The following RBFOX1 variants were observed in gnomAD, a reference collection of about 807,000 sequenced individuals.
The protein encoded by RBFOX1 is RNA binding fox-1 homolog 1, also known as RNA binding protein fox-1 homolog 1.
In RBFOX1, 8 loss-of-function variants were observed where a neutral mutation model predicts 57.7. The observed-to-expected ratio is 0.14, with a 90% confidence interval of 0.08 to 0.25. The LOEUF (loss-of-function observed/expected upper bound fraction) is 0.25, where lower values mean the gene tolerates loss of function less well. Among genes scored for constraint, RBFOX1 ranks in the 10% least tolerant of loss-of-function variants. The pLI is 1.00. For synonymous variants in RBFOX1, 326 were observed against 222.4 expected (o/e 1.47, Z -4.15); for missense variants, 611 against 548.5 (o/e 1.11, Z -1.14).
chr16:6,329,967 CA>C (rs1345867178), intron 2 of RBFOX1, among the ~76,000 whole-genome samples: 1 of 151,832 alleles, frequency 6.6e-6, no homozygotes, highest in Admixed American at 6.6e-5. Context: ...AAAACAAAAT[CA>C]AAAACCACAA....
chr16:7,537,936 T>C (rs1182866029), intron 5 of RBFOX1, among the ~76,000 whole-genome samples: 11 of 152,232 alleles, frequency 7.2e-5, no homozygotes, highest in Non-Finnish European at 7.3e-5. Context: ...CTTTTGGGCA[T>C]TGATCCCAAT....
chr16:5,424,916 T>TC lies in RBFOX1; in HGVS notation c.220-42300_220-42299insC, dbSNP rs1232211068. The stretch of plus-strand genomic sequence containing the variant: ...CTTTCTTTCTTTCTTTCTTTCTTTC[T>TC]TTCTTTCTTTCTTTCTTTCTCTCTC... On this transcript the variant is annotated intron_variant, in intron 1 of 2. Transcript: ENST00000585867. Among the ~76,000 whole-genome samples the TC allele has an allele frequency of 9.4e-3, 1,157 of 123,598 alleles. 39 individuals are homozygous for TC. Among genetic ancestry groups the TC allele is most frequent in the African/African-American group, 0.027 (775 of 28,490 alleles). The allele number at this position is 123,598 out of a possible 152,430, so 81.1% of individuals were successfully genotyped here.
chr16:5,243,102 C>T (rs1054674837), intron 1 of RBFOX1, among the ~76,000 whole-genome samples: 1 of 152,104 alleles, frequency 6.6e-6, no homozygotes, highest in Admixed American at 6.5e-5. Flanking sequence ...AAAACCTAGC[C>T]CTCCCCAAGC....
chr16:7,310,586 C>T (rs182416532), intron 4 of RBFOX1, among the ~76,000 whole-genome samples: 111 of 152,312 alleles, frequency 7.3e-4, no homozygotes, highest in African/African-American at 2.3e-3. Flanking sequence ...TCTCAAACTT[C>T]AGACATTCAG....
At chr16:6,332,636 C>T (rs934948600) in intron 2 of RBFOX1, among the ~76,000 whole-genome samples, 1 of 152,160 alleles carries the variant, frequency 6.6e-6, no homozygotes, top group Non-Finnish European at 1.5e-5. Flanking sequence ...CATACACATA[C>T]ACATCTGGTC....
intron 2 of RBFOX1, among the ~76,000 whole-genome samples, chr16:6,601,521 C>G (rs903764652): frequency 6.6e-6 from 1 of 152,024 alleles, no homozygotes; most frequent in Non-Finnish European, 1.5e-5. Context: ...GATCCTGGAC[C>G]ATTCTACTCA....
At chr16:7,632,595 G>A (rs536190563) in intron 11 of RBFOX1, among the ~76,000 whole-genome samples, 4 of 152,132 alleles carry the variant, frequency 2.6e-5, no homozygotes, top group African/African-American at 4.8e-5. Flanking sequence ...AAATCTGATC[G>A]CTGTACCATT....
At chr16:7,541,632 T>C (rs1447052247) in intron 5 of RBFOX1, among the ~76,000 whole-genome samples, 1 of 152,104 alleles carries the variant, frequency 6.6e-6, no homozygotes, top group Admixed American at 6.6e-5. Context: ...TTCATCTATT[T>C]CTGAAATCAA....
intron 3 of RBFOX1, among the ~76,000 whole-genome samples, chr16:5,610,146 T>A (rs1194664815): frequency 6.6e-6 from 1 of 152,178 alleles, no homozygotes; most frequent in Non-Finnish European, 1.5e-5. Flanking sequence ...ATTTCCAATA[T>A]GCCAGCAGTC....
At chr16:7,068,729 A>C (rs1009157331) in intron 4 of RBFOX1, among the ~76,000 whole-genome samples, 14 of 152,278 alleles carry the variant, frequency 9.2e-5, no homozygotes, top group Admixed American at 2.6e-4. Context: ...CTGGGATTAC[A>C]GGTCCCTGCC....
Position 6,207,120 on chromosome 16 carries a change from C to G in RBFOX1, c.-126-109875C>G, listed in dbSNP as rs142349270. 2.1e-3 allele frequency among the ~76,000 whole-genome samples: 325 copies of G among 152,260 alleles called. 2 individuals carry two copies. The highest frequency in any genetic ancestry group is 6.5e-3 in the African/African-American group (268 of 41,540). On this transcript the variant is annotated intron_variant, in intron 1 of 15. Coordinates refer to ENST00000550418, the MANE Select transcript of RBFOX1 (RefSeq NM_018723.4). ...ACCCCCTGCATTCCTGCCAAGCAGG[C>G]TCCTGACTTGGGTCACCCATGACAG... is the stretch of plus-strand genomic sequence containing the variant.
At chr16:6,259,270 G>C (rs2097687283) in intron 1 of RBFOX1, among the ~76,000 whole-genome samples, 1 of 151,976 alleles carries the variant, frequency 6.6e-6, no homozygotes, top group Non-Finnish European at 1.5e-5. Flanking sequence ...ACTTTTGCTT[G>C]TTTCATTTGC....
intron 1 of RBFOX1, among the ~76,000 whole-genome samples, chr16:6,274,989 G>A (rs895758177): frequency 1.5e-4 from 23 of 152,290 alleles, no homozygotes; most frequent in Middle Eastern, 3.4e-3. Flanking sequence ...ACTTTTAGCT[G>A]AGATATGTCG....
intron 2 of RBFOX1, among the ~76,000 whole-genome samples, chr16:5,535,990 A>T (rs1266336803): frequency 2.6e-5 from 4 of 152,106 alleles, no homozygotes. Context: ...AAGTTTGTAC[A>T]GCCACACACC....
chr16:6,604,066 A>G (rs1216464685), intron 2 of RBFOX1, among the ~76,000 whole-genome samples: 1 of 151,886 alleles, frequency 6.6e-6, no homozygotes, highest in Non-Finnish European at 1.5e-5. Flanking sequence ...TTGCCTTTGA[A>G]ACACCCAGAT....
intron 2 of RBFOX1, among the ~76,000 whole-genome samples, chr16:6,480,235 A>G (rs992571063): frequency 6.6e-6 from 1 of 152,194 alleles, no homozygotes; most frequent in African/African-American, 2.4e-5. Flanking sequence ...ACACACATAT[A>G]ACATATAGAG....
intron 3 of RBFOX1, among the ~76,000 whole-genome samples, chr16:7,018,239 G>A (rs1035597967): frequency 1.3e-5 from 2 of 152,118 alleles, no homozygotes; most frequent in African/African-American, 4.8e-5. Flanking sequence ...CTACTGGCTT[G>A]CATTCTAGGT....
intron 4 of RBFOX1, among the ~76,000 whole-genome samples, chr16:7,176,267 G>A (rs116153523): frequency 0.01 from 1,379 of 136,458 alleles, 64 homozygotes; most frequent in African/African-American, 0.038. Flanking sequence ...ATGAGATAAT[G>A]CATGTAAGTG....
chr16:5,498,084 G>A (rs2043062781), intron 2 of RBFOX1, among the ~76,000 whole-genome samples: 1 of 152,166 alleles, frequency 6.6e-6, no homozygotes, highest in Non-Finnish European at 1.5e-5. Context: ...AGGGGGCAGA[G>A]GGCAGACCCT....
Sources: gnomAD v4.1 joint callset for allele counts (sites outside exome capture counted in the v4.1 genomes callset) on GRCh38, gnomAD v4.1.1 for gene constraint, MANE v1.5 for transcripts, NCBI Gene and HGNC (gene_info 2026-07-23, HGNC 2026-07-21) for gene names.